Variants in MTCL2 observed in about 807,000 individuals in gnomAD.
The protein encoded by MTCL2 is microtubule cross-linking factor 2.
At chr20:36,840,970 C>G in the MTCL2 span, among the ~76,000 whole-genome samples, 1 of 151,848 alleles carries the variant, frequency 6.6e-6, no homozygotes, top group Non-Finnish European at 1.5e-5. Context: ...TATGGAGCCC[C>G]AAGCTTCACC....
the MTCL2 span, among the ~76,000 whole-genome samples, chr20:36,811,732 C>T: frequency 6.6e-6 from 1 of 152,148 alleles, no homozygotes; most frequent in Admixed American, 6.5e-5. Context: ...TTCCAGGAAG[C>T]TCACTTAGAG....
At chr20:36,835,855 G>A in the MTCL2 span, among the ~76,000 whole-genome samples, 2 of 151,782 alleles carry the variant, frequency 1.3e-5, no homozygotes, top group Admixed American at 1.3e-4. Context: ...CCGCCTCCCC[G>A]CCGCCGCCGC....
chr20:36,805,759 A>G, the MTCL2 span: 1 of 1,126,400 alleles, frequency 8.9e-7, no homozygotes, highest in East Asian at 2.6e-5. Flanking sequence ...TTCAATGTCC[A>G]GGAATGGGGT....
the MTCL2 span, chr20:36,793,574 C>T: frequency 6.4e-7 from 1 of 1,551,666 alleles, no homozygotes; most frequent in Non-Finnish European, 8.7e-7. This position sits in a 1 kb window ranked among gnomAD's most constrained non-coding sequence, Gnocchi z 6.8. Flanking sequence ...CTCCGTGCTC[C>T]CTGAGTGCTC....
At chr20:36,810,717 C>CCGCTCTCT in the MTCL2 span, among the ~76,000 whole-genome samples, 1 of 94,194 alleles carries the variant, frequency 1.1e-5, no homozygotes, top group African/African-American at 4.0e-5. Context: ...TCTCTCTCTC[C>CCGCTCTCT]CTCTCTCTCT....
the MTCL2 span, among the ~76,000 whole-genome samples, chr20:36,849,307 C>A: frequency 3.3e-5 from 5 of 152,074 alleles, no homozygotes; most frequent in East Asian, 9.7e-4. Context: ...AATCCACCCG[C>A]CTCGGCCTCC....
At chr20:36,797,607 G>T in the MTCL2 span, 1 of 1,546,644 alleles carries the variant, frequency 6.5e-7, no homozygotes, top group Non-Finnish European at 8.8e-7. Flanking sequence ...GTCGGTAATG[G>T]GCAAAGCTGG....
the MTCL2 span, among the ~76,000 whole-genome samples, chr20:36,806,864 TTCTC>T: frequency 1.3e-5 from 2 of 152,198 alleles, no homozygotes; most frequent in Non-Finnish European, 2.9e-5. Context: ...TAAAGTAAGT[TTCTC>T]TCTCTTTTAC....
chr20:36,842,662 C>T, the MTCL2 span, among the ~76,000 whole-genome samples: 2 of 152,158 alleles, frequency 1.3e-5, no homozygotes, highest in African/African-American at 2.4e-5. Context: ...ATCCCAGCTA[C>T]TCGGGAGGCT....
chr20:36,832,153 G>A, the MTCL2 span, among the ~76,000 whole-genome samples: 2 of 152,246 alleles, frequency 1.3e-5, no homozygotes, highest in Non-Finnish European at 2.9e-5. Flanking sequence ...AGATGAATGA[G>A]TGAATGACTG....
the MTCL2 span, among the ~76,000 whole-genome samples, chr20:36,846,638 A>G: frequency 1.3e-5 from 2 of 152,186 alleles, no homozygotes; most frequent in African/African-American, 4.8e-5. Context: ...CCGGGTCCTG[A>G]GCCAGCCCCT....
chr20:36,830,779 G>A, the MTCL2 span, among the ~76,000 whole-genome samples: 4 of 152,322 alleles, frequency 2.6e-5, no homozygotes, highest in African/African-American at 9.6e-5. Context: ...AGGCCCGACA[G>A]GATAACTGAA....
chr20:36,794,125 GCCCGCTGAGCCT>G, the MTCL2 span: 3 of 1,551,462 alleles, frequency 1.9e-6, no homozygotes, highest in Admixed American at 2.0e-5. The surrounding 1 kb of genome is among the most constrained non-coding windows in gnomAD (Gnocchi z 5.4). Context: ...CCGAGGGGCT[GCCCGCTGAGCCT>G]CCGTCCAGGC....
the MTCL2 span, chr20:36,816,390 T>C: frequency 1.6e-6 from 2 of 1,214,916 alleles, no homozygotes; most frequent in East Asian, 2.3e-5. Flanking sequence ...GGGAGCACTA[T>C]GTGCTGGGAA....
chr20:36,784,775 A>G, the MTCL2 span: 1 of 985,698 alleles, frequency 1.0e-6, no homozygotes, highest in Non-Finnish European at 1.2e-6. Context: ...AAGAGCCGTG[A>G]AAGGCCATAA....
At chr20:36,815,031 C>T in the MTCL2 span, 1 of 1,269,336 alleles carries the variant, frequency 7.9e-7, no homozygotes, top group Non-Finnish European at 1.1e-6. This position sits in a 1 kb window ranked among gnomAD's most constrained non-coding sequence, Gnocchi z 5.3. Flanking sequence ...CACTGCACTT[C>T]AGCCTGGCCA....
chr20:36,850,295 G>A, the MTCL2 span, among the ~76,000 whole-genome samples: 11 of 152,038 alleles, frequency 7.2e-5, no homozygotes, highest in African/African-American at 2.4e-4. Context: ...TTGGGAGGCC[G>A]AGACGGACGG....
chr20:36,858,406 AC>A, the MTCL2 span, among the ~76,000 whole-genome samples: 1 of 100,712 alleles, frequency 9.9e-6, no homozygotes, highest in Non-Finnish European at 2.0e-5. Flanking sequence ...ACACACACAC[AC>A]ACACACACAC....
the MTCL2 span, among the ~76,000 whole-genome samples, chr20:36,849,194 TGGG>T: frequency 6.7e-6 from 1 of 150,160 alleles, no homozygotes; most frequent in African/African-American, 2.4e-5. Flanking sequence ...CCCGAGTAGC[TGGG>T]ATTACAGGCA....
Sources: allele counts gnomAD v4.1 joint callset (sites outside exome capture counted in the v4.1 genomes callset), GRCh38; gene constraint gnomAD v4.1.1; non-coding constraint Gnocchi (gnomAD v3.1); transcripts MANE v1.5; gene names NCBI Gene and HGNC (gene_info 2026-07-23, HGNC 2026-07-21).